Variants in PRR12 observed in about 807,000 individuals in gnomAD.
The protein encoded by PRR12 is proline-rich protein 12.
PRR12 carries 12 observed loss-of-function variants against 138.0 expected under a neutral mutation model. The ratio of observed to expected loss-of-function variants is 0.09; its 90% CI spans 0.06 to 0.14. PRR12 has a LOEUF of 0.14. Among genes scored for constraint, PRR12 ranks in the 10% least tolerant of loss-of-function variants. The pLI, the probability that PRR12 is intolerant of heterozygous loss-of-function variation, is 1.00. For synonymous variants in PRR12, 1,567 were observed against 1,291.7 expected (o/e 1.21, Z -4.57); for missense variants, 2,692 against 2,861.3 (o/e 0.94, Z 1.35).
In PRR12 at chr19:49,599,821, C is replaced by T. The variant is rs1435831619; in HGVS notation, c.4228C>T (p.Leu1410Phe). Reference protein sequence around the residue: ...SAISALDDPPLAGPKDTSTPD... With the variant: ...SAISALDDPPFAGPKDTSTPD... Reference sequence around the variant, plus strand: ...CATCTCTGCCCTCGATGACCCACCCCTTGCTGGGCCAAAAGACACTTCCAC... The same window carrying T: ...CATCTCTGCCCTCGATGACCCACCCTTTGCTGGGCCAAAAGACACTTCCAC... Residue 1410 changes from leucine to phenylalanine, a missense_variant, in exon 5 of 14, where the codon CTT becomes TTT. By Grantham distance (22) the Leu-to-Phe change is conservative. Around this residue, in one of 11 missense-constraint regions of PRR12, gnomAD observed 231 missense variants for 200.8 expected, o/e 1.15. Transcript: ENST00000418929. The surrounding 1 kb of genome is among the most constrained non-coding windows in gnomAD (Gnocchi z 5.0). 1 of 1,613,420 alleles carries T rather than the reference C, an allele frequency of 6.2e-7. No individual in the cohort carries two copies. The highest frequency in any genetic ancestry group is 1.3e-5 in the African/African-American group (1 of 74,946).
chr19:49,594,759 T>A lies in PRR12; in HGVS notation c.424T>A (p.Phe142Ile), dbSNP rs375055033. Residue 142 changes from phenylalanine (F) to isoleucine (I), a missense_variant, in exon 4 of 14, where the codon TTT becomes ATT. Transcript: ENST00000418929. This position sits in a 1 kb window ranked among gnomAD's most constrained non-coding sequence, Gnocchi z 5.6. ...ISGALPGSST[F>I]PSSSALSAYQ... is the part of the protein sequence containing the mutation. The stretch of plus-strand genomic sequence containing the variant: ...GGGTGCCCTGCCGGGTTCCAGCACC[T>A]TTCCGTCCTCATCTGCCCTGTCGGC... The A allele has an allele frequency of 3.3e-5, 53 of 1,613,328 alleles. No homozygotes were observed. Among genetic ancestry groups the A allele is most frequent in the African/African-American group, 1.3e-5 (1 of 74,862 alleles).
chr19:49,606,459 G>A (rs962221429), intron 6 of PRR12, among the ~76,000 whole-genome samples: 4 of 145,686 alleles, frequency 2.7e-5, no homozygotes, highest in Non-Finnish European at 6.0e-5. Context: ...TTACAGGCGC[G>A]TGCCACCACG....
At chr19:49,600,041 T>C (rs2080801502) in intron 5 of PRR12, 103 bp downstream of exon 5, 1 of 1,232,204 alleles carries the variant, frequency 8.1e-7, no homozygotes, top group Non-Finnish European at 1.1e-6. Context: ...ACCATTCACA[T>C]ACATGGTGTA....
chr19:49,596,171 A>T lies in PRR12; in HGVS notation c.1836A>T (p.Ala612=). 1 of 1,609,492 alleles carries T rather than the reference A, an allele frequency of 6.2e-7. No homozygotes were observed. ...GAGCTGGCAGCTATGCAGCCGGAGC[A>T]GGTGGCTACAAGGGCAAGGGGGATG... ...PPGAGSYAAG[A]GGYKGKGDGS... is the part of the protein sequence containing the mutation. Residue 612 remains alanine, a synonymous_variant, in exon 4 of 14, where the codon GCA becomes GCT. Transcript: ENST00000418929. The surrounding 1 kb of genome is among the most constrained non-coding windows in gnomAD (Gnocchi z 5.6).
intron 6 of PRR12, among the ~76,000 whole-genome samples, chr19:49,605,526 TG>T (rs2080834017): frequency 1.3e-5 from 2 of 152,184 alleles, no homozygotes. Context: ...CCTCCCAAAG[TG>T]CTGGGATTAT....
At position 49,599,337 on chromosome 19, in the gene PRR12, C is replaced by T. The variant is rs1441629222; in HGVS notation, c.3744C>T (p.Gly1248=). The T allele has an allele frequency of 1.2e-6, 2 of 1,613,184 alleles. No homozygotes were observed. The highest frequency in any genetic ancestry group is 2.2e-5 in the East Asian group (1 of 44,870). ...LGTSSGDAIS[G]TDHNSLDSSL... ...CCTCATCGGGTGATGCCATATCAGG[C>T]ACTGACCACAACAGCCTGGACTCGA... Residue 1248 remains glycine (G), a synonymous_variant, in exon 5 of 14, where the codon GGC becomes GGT. Coordinates refer to ENST00000418929, the MANE Select transcript of PRR12 (RefSeq NM_020719.3). This position sits in a 1 kb window ranked among gnomAD's most constrained non-coding sequence, Gnocchi z 5.0.
At position 49,593,458 on chromosome 19, in the gene PRR12, C is replaced by T. The variant is rs763821180; in HGVS notation, c.199+19C>T. ...CCGGCAGGTACGGCCCCCATCCCGC[C>T]CCGCTTTGGGCTGGCCCTCCCCCTC... On this transcript the variant is annotated intron_variant, in intron 2 of 13. Coordinates refer to ENST00000418929, the MANE Select transcript of PRR12 (RefSeq NM_020719.3). The T allele has an allele frequency of 2.0e-5, 27 of 1,337,744 alleles. No homozygotes were observed. The highest frequency in any genetic ancestry group is 8.4e-5 in the South Asian group (7 of 83,648). The allele number at this position is 1,337,744 out of a possible 1,614,324, so 82.9% of individuals were successfully genotyped here.
chr19:49,622,663 G>A (rs1167641295), intron 11 of PRR12, among the ~76,000 whole-genome samples: 15 of 149,162 alleles, frequency 1.0e-4, no homozygotes, highest in Non-Finnish European at 1.8e-4. Flanking sequence ...AGGCCAAGAC[G>A]GATGGATCAC....
Position 49,595,100 on chromosome 19 carries a change from C to A in PRR12, c.765C>A (p.Ala255=). 1 of 1,612,104 alleles carries A rather than the reference C, an allele frequency of 6.2e-7. No homozygotes were observed. The highest frequency in any genetic ancestry group is 1.3e-5 in the African/African-American group (1 of 75,032). Residue 255 remains alanine, a synonymous_variant, in exon 4 of 14, where the codon GCC becomes GCA. Transcript: ENST00000418929. The stretch of plus-strand genomic sequence containing the variant: ...TGCTGGCTTCCTCTTCCGCTGCCGC[C>A]GCCGCTGCCGAGCAGTCCTCCCCAC... ...FNLLASSSAA[A]AAAEQSSPQL... is the part of the protein sequence containing the mutation.
At position 49,625,687 on chromosome 19, in the gene PRR12, C is replaced by G. The variant is rs2080951389; in HGVS notation, c.*80C>G. The G allele has an allele frequency of 1.3e-6, 2 of 1,483,988 alleles. No homozygotes were observed. Among genetic ancestry groups the G allele is most frequent in the Non-Finnish European group, 1.8e-6 (2 of 1,115,336 alleles). The allele number at this position is 1,483,988 out of a possible 1,614,324, so 91.9% of individuals were successfully genotyped here. ...GAACCGTGTCCTCAGGAGCTAACAC[C>G]TGGGCTCCATCGCCGGGGAAAGGGG... On this transcript the variant is annotated 3_prime_UTR_variant, in exon 14 of 14. Transcript: ENST00000418929. The surrounding 1 kb of genome is among the most constrained non-coding windows in gnomAD (Gnocchi z 5.5).
chr19:49,596,939 G>A lies in PRR12; in HGVS notation c.2604G>A (p.Leu868=). The A allele has an allele frequency of 6.5e-7, 1 of 1,549,124 alleles. No homozygotes were observed. The highest frequency in any genetic ancestry group is 8.7e-7 in the Non-Finnish European group (1 of 1,153,390). Residue 868 remains leucine, a synonymous_variant, in exon 4 of 14, where the codon CTG becomes CTA. Coordinates refer to ENST00000418929, the MANE Select transcript of PRR12 (RefSeq NM_020719.3). The surrounding 1 kb of genome is among the most constrained non-coding windows in gnomAD (Gnocchi z 5.6). ...GLEPAAPSPR[L]RPEESLDPPG... is the part of the protein sequence containing the mutation. ...AGCCCGCGGCCCCCAGCCCCCGCCT[G>A]CGACCCGAGGAGAGCCTGGATCCGC...
intron 11 of PRR12, among the ~76,000 whole-genome samples, chr19:49,622,974 GAT>G (rs2080933714): frequency 2.1e-5 from 3 of 143,046 alleles, no homozygotes; most frequent in Non-Finnish European, 4.5e-5. Context: ...GAGAGAGAGA[GAT>G]ATTAATATGA....
chr19:49,606,438 A>G (rs1028681133), intron 6 of PRR12, among the ~76,000 whole-genome samples: 2 of 150,692 alleles, frequency 1.3e-5, no homozygotes, highest in African/African-American at 4.9e-5. Context: ...CAGCCTCCTG[A>G]GTAGCTGGGA....
chr19:49,596,856 C>A lies in PRR12; in HGVS notation c.2521C>A (p.Pro841Thr). Reference protein sequence around the residue: ...GAPQPPPPPPPPPPPMPLQLE... With the variant: ...GAPQPPPPPPTPPPPMPLQLE... ...ACCCCAGCCACCTCCACCGCCACCC[C>A]CGCCTCCACCACCCATGCCCCTGCA... Residue 841 changes from proline (P) to threonine (T), a missense_variant, in exon 4 of 14, where the codon CCG becomes ACG. Coordinates refer to ENST00000418929, the MANE Select transcript of PRR12 (RefSeq NM_020719.3). This position sits in a 1 kb window ranked among gnomAD's most constrained non-coding sequence, Gnocchi z 5.6. The A allele has an allele frequency of 6.3e-7, 1 of 1,576,274 alleles. No individual in the cohort carries two copies.
chr19:49,615,946 AAGG>A lies in PRR12; in HGVS notation c.5227_5229del (p.Glu1743del). 2 of 1,553,050 alleles carry A rather than the reference AAGG, an allele frequency of 1.3e-6. No individual in the cohort carries two copies. Among genetic ancestry groups the A allele is most frequent in the South Asian group, 1.2e-5 (1 of 84,214 alleles). On this transcript the variant is annotated inframe_deletion, in exon 9 of 14. Transcript: ENST00000418929. The stretch of plus-strand genomic sequence containing the variant: ...CCTCCTGCGGCCTGTTGAGAAGGAA[AAGG>A]AGAAGGAGAAGGTGACACGTGGAGA...
rs753426658 is a variant in PRR12, at chr19:49,625,112, A to T, written c.5876A>T (p.Lys1959Met). 1.9e-6 allele frequency: 3 copies of T among 1,613,492 alleles called. No homozygotes were observed. In the African/African-American group the frequency reaches 4.0e-5, roughly 22 times the overall value. ...ATCTCCACTCCTACCCAGGAGTTCA[A>T]GGTTGAGCTGGAAAAGTCGGGATAC... ...KRSVVRAQEF[K>M]VELEKSGYYT... The change falls in exon 13 of 14, where the codon AAG (lysine) becomes ATG (methionine). Residue 1959 changes from lysine to methionine, a missense_variant. Physicochemically the swap from Lys to Met is moderately conservative, Grantham distance 95. This residue lies in a region of PRR12 where 116 missense variants were observed against 243.4 expected (regional missense o/e 0.48). Transcript: ENST00000418929. This position sits in a 1 kb window ranked among gnomAD's most constrained non-coding sequence, Gnocchi z 5.5.
chr19:49,591,492 G>GGGGCCTTCCC lies in PRR12; in HGVS notation c.-154_-145dup, dbSNP rs1288858380. ...CCCCTGCCCCCTCCCTCCCCCGCCC[G>GGGGCCTTCCC]GGGCCTTCCCGGGCCTTCGGCGGCT... On this transcript the variant is annotated 5_prime_UTR_variant, in exon 1 of 14. Transcript: ENST00000418929. Among the ~76,000 whole-genome samples, 13 of 44,244 alleles carry GGGGCCTTCCC rather than the reference G, an allele frequency of 2.9e-4. No individual in the cohort carries two copies. Among genetic ancestry groups the GGGGCCTTCCC allele is most frequent in the Non-Finnish European group, 4.8e-4 (11 of 23,114 alleles). 29.0% of individuals were successfully genotyped at this position (44,244 alleles called of 152,430 possible). A position where few individuals can be genotyped will look rare whatever the true frequency, so the allele number is the denominator to read the frequency against.
intron 9 of PRR12, 147 bp from the exon 10 acceptor site, chr19:49,620,204 CG>C: frequency 9.3e-7 from 1 of 1,078,560 alleles, no homozygotes; most frequent in Non-Finnish European, 1.3e-6. Flanking sequence ...GTGGCACTGG[CG>C]CTTGCCTGTC....
intron 6 of PRR12, among the ~76,000 whole-genome samples, chr19:49,613,476 C>T (rs2080876806): frequency 6.6e-6 from 1 of 152,200 alleles, no homozygotes; most frequent in African/African-American, 2.4e-5. Context: ...TCCTCAAGGT[C>T]ACATGCTCAG....
Sources: gnomAD v4.1 joint callset for allele counts (sites outside exome capture counted in the v4.1 genomes callset) on GRCh38, gnomAD v4.1.1 for gene constraint, gnomAD v4.1.1 regional missense constraint, Gnocchi (gnomAD v3.1) non-coding constraint, MANE v1.5 for transcripts, NCBI Gene and HGNC (gene_info 2026-07-23, HGNC 2026-07-21) for gene names.